SCGB2B2: variants seen among roughly 807,000 people sequenced by gnomAD.
SCGB2B2 encodes the protein secretoglobin-like protein.
In SCGB2B2, 11 loss-of-function variants were observed where a neutral mutation model predicts 7.6. The ratio of observed to expected loss-of-function variants is 1.45; its 90% CI spans 0.91 to 2.40. The LOEUF is 2.40. Ranked by LOEUF, SCGB2B2 falls within the 30% of genes most tolerant of loss-of-function variation. The pLI is 0.00. For synonymous variants in SCGB2B2, 50 were observed against 48.6 expected, an observed-to-expected ratio of 1.03 and a Z score of -0.12; for missense variants, 104 against 115.4, an observed-to-expected ratio of 0.90 and a Z score of 0.45.
intron 1 of SCGB2B2, chr19:34,632,987 C>G (rs1168518815): frequency 1.3e-5 from 2 of 152,336 alleles, no homozygotes; most frequent in Non-Finnish European, 2.9e-5. Flanking sequence ...AGAGACCAAC[C>G]CTGTAGGCCA....
intron 1 of SCGB2B2, among the ~76,000 whole-genome samples, chr19:34,621,468 T>A: frequency 6.7e-6 from 1 of 149,466 alleles, no homozygotes; most frequent in African/African-American, 2.5e-5. Context: ...CCCCAAGGAG[T>A]CCCAGGCCAT....
chr19:34,653,267 G>A (rs2067206772), intron 1 of SCGB2B2, among the ~76,000 whole-genome samples: 1 of 151,076 alleles, frequency 6.6e-6, no homozygotes, highest in Non-Finnish European at 1.5e-5. Flanking sequence ...CAGCTAGATA[G>A]GAAGACTAAC....
chr19:34,659,047 T>A (rs931278386), intron 1 of SCGB2B2, among the ~76,000 whole-genome samples: 1 of 152,160 alleles, frequency 6.6e-6, no homozygotes, highest in Non-Finnish European at 1.5e-5. Context: ...ACCACATGAT[T>A]ATCTCAATGG....
chr19:34,587,359 G>C (rs955655445), downstream of SCGB2B2, among the ~76,000 whole-genome samples: 2 of 152,114 alleles, frequency 1.3e-5, no homozygotes, highest in African/African-American at 4.8e-5. Context: ...GAATGGTACT[G>C]ATTTTAGTAT....
intron 1 of SCGB2B2, among the ~76,000 whole-genome samples, chr19:34,597,647 G>T (rs751658781): frequency 1.3e-5 from 2 of 152,250 alleles, no homozygotes; most frequent in Non-Finnish European, 2.9e-5. Flanking sequence ...CAGCCAGCCA[G>T]AGGGTGTGGG....
chr19:34,604,895 T>C (rs1461591734), intron 1 of SCGB2B2, among the ~76,000 whole-genome samples: 1 of 152,112 alleles, frequency 6.6e-6, no homozygotes, highest in East Asian at 1.9e-4. Context: ...ATAAGAAGCA[T>C]GTATATCTAA....
intron 1 of SCGB2B2, among the ~76,000 whole-genome samples, chr19:34,675,429 G>A (rs1349807025): frequency 6.6e-6 from 1 of 151,824 alleles, no homozygotes; most frequent in African/African-American, 2.4e-5. Context: ...GTTTAAACCA[G>A]AGCGACTCCA....
chr19:34,656,118 T>A (rs1426470962), intron 1 of SCGB2B2, among the ~76,000 whole-genome samples: 1 of 151,248 alleles, frequency 6.6e-6, no homozygotes, highest in African/African-American at 2.5e-5. Flanking sequence ...ATTGGCAAAG[T>A]GAATGAAATT....
chr19:34,647,318 G>C (rs1232460725), intron 1 of SCGB2B2, among the ~76,000 whole-genome samples: 1 of 152,114 alleles, frequency 6.6e-6, no homozygotes, highest in Admixed American at 6.5e-5. Flanking sequence ...CATTGACAAG[G>C]CTCCACCAAC....
At chr19:34,587,633 T>C (rs934667804), downstream of SCGB2B2, among the ~76,000 whole-genome samples, 4 of 152,218 alleles carry the variant, frequency 2.6e-5, no homozygotes, top group Admixed American at 1.3e-4. Flanking sequence ...GCTTTGTACT[T>C]TTCCCTATTC....
Position 34,591,282 on chromosome 19 carries a change from C to T in SCGB2B2, c.*2273G>A, listed in dbSNP as rs1037352186. On this transcript the variant is annotated 3_prime_UTR_variant, in exon 4 of 4. Coordinates refer to ENST00000601241, the MANE Select transcript of SCGB2B2 (RefSeq NM_001025591.4). ...TTCTCAGCAGTGGCATCACATCCAG[C>T]CAGCTGCTCCAGCCCAAATGTGATG... Among the ~76,000 whole-genome samples, 2 of 152,224 alleles carry T rather than the reference C, an allele frequency of 1.3e-5. No homozygotes were observed. The highest frequency in any genetic ancestry group is 2.9e-5 in the Non-Finnish European group (2 of 68,034).
At chr19:34,644,621 T>C (rs1243574429) in intron 1 of SCGB2B2, among the ~76,000 whole-genome samples, 1 of 152,184 alleles carries the variant, frequency 6.6e-6, no homozygotes, top group Non-Finnish European at 1.5e-5. Flanking sequence ...GGGTAACTCA[T>C]ATAAGTGAAA....
intron 1 of SCGB2B2, among the ~76,000 whole-genome samples, chr19:34,611,852 C>T (rs1350351713): frequency 6.6e-6 from 1 of 151,548 alleles, no homozygotes; most frequent in Non-Finnish European, 1.5e-5. Context: ...CTGGGTTTCA[C>T]TATATTGGGC....
intron 1 of SCGB2B2, among the ~76,000 whole-genome samples, chr19:34,665,213 C>A (rs1282372362): frequency 2.0e-5 from 3 of 152,228 alleles, no homozygotes; most frequent in African/African-American, 7.2e-5. Context: ...TGGCTGGCTG[C>A]ATCTGTTGTC....
intron 1 of SCGB2B2, among the ~76,000 whole-genome samples, chr19:34,600,220 C>G (rs898505079): frequency 3.3e-5 from 5 of 152,116 alleles, no homozygotes; most frequent in African/African-American, 1.2e-4. Flanking sequence ...TGGCTGGGAT[C>G]GTAATGTGTC....
At chr19:34,602,544 C>A (rs2065656228) in intron 1 of SCGB2B2, among the ~76,000 whole-genome samples, 1 of 152,016 alleles carries the variant, frequency 6.6e-6, no homozygotes, top group Admixed American at 6.6e-5. Flanking sequence ...GCTACGTTGC[C>A]CTTTGTTTTT....
At chr19:34,608,066 T>C (rs893819934) in intron 1 of SCGB2B2, among the ~76,000 whole-genome samples, 1 of 152,200 alleles carries the variant, frequency 6.6e-6, no homozygotes, top group African/African-American at 2.4e-5. Context: ...TTATGAATAT[T>C]TCAATATTCA....
chr19:34,634,102 G>C (rs2066610105), intron 1 of SCGB2B2, among the ~76,000 whole-genome samples: 1 of 152,168 alleles, frequency 6.6e-6, no homozygotes, highest in Non-Finnish European at 1.5e-5. Flanking sequence ...CTTGTGCACA[G>C]GAGACTAAAT....
chr19:34,606,253 A>C (rs2065775468), intron 1 of SCGB2B2, among the ~76,000 whole-genome samples: 1 of 152,062 alleles, frequency 6.6e-6, no homozygotes, highest in South Asian at 2.1e-4. Flanking sequence ...GTGTGAAGTG[A>C]CCACCATACT....
Sources: allele counts gnomAD v4.1 joint callset (sites outside exome capture counted in the v4.1 genomes callset), GRCh38; gene constraint gnomAD v4.1.1; transcripts MANE v1.5; gene names NCBI Gene and HGNC (gene_info 2026-07-23, HGNC 2026-07-21).